The following ELAPOR1 variants were observed in gnomAD, a reference collection of about 807,000 sequenced individuals.
ELAPOR1 encodes the protein endosome-lysosome associated apoptosis and autophagy regulator 1.
A neutral mutation model predicts 119.7 loss-of-function variants in ELAPOR1; 77 were observed. The observed-to-expected ratio is 0.64, with a 90% confidence interval of 0.54 to 0.78. The LOEUF is 0.78. Among genes scored for constraint, ELAPOR1 ranks in the 30% least tolerant of loss-of-function variants. The pLI, the probability that ELAPOR1 is intolerant of heterozygous loss-of-function variation, is 0.00. For synonymous variants in ELAPOR1, 481 were observed against 487.2 expected (o/e 0.99, Z 0.17); for missense variants, 1,115 against 1,270.4 (o/e 0.88, Z 1.86).
chr1:109,145,274 G>A (rs183670978), intron 1 of ELAPOR1, among the ~76,000 whole-genome samples: 21 of 152,038 alleles, frequency 1.4e-4, no homozygotes, highest in Admixed American at 7.9e-4. Flanking sequence ...TCTCTAGAAC[G>A]GTGAAAAAAA....
Position 109,164,704 on chromosome 1 carries a change from A to C in ELAPOR1, c.467+13A>C, listed in dbSNP as rs373988606. 6.2e-7 allele frequency: 1 copy of C among 1,604,178 alleles called. No individual in the cohort carries two copies. The highest frequency in any genetic ancestry group is 1.1e-5 in the South Asian group (1 of 90,430). On this transcript the variant is annotated intron_variant, in intron 3 of 21. Transcript: ENST00000369939. ...GGAACTGTACTTCGTGAGTCTGCAC[A>C]CACCCCCACCCCACCCCCAGCCCAC...
chr1:109,153,631 TTG>T (rs1650672759), intron 1 of ELAPOR1, among the ~76,000 whole-genome samples: 1 of 151,522 alleles, frequency 6.6e-6, no homozygotes, highest in African/African-American at 2.4e-5. Context: ...TTGTTTTGTT[TTG>T]TTTTGTTTTG....
At position 109,169,073 on chromosome 1, in the gene ELAPOR1, A is replaced by G. The variant is rs113336305; in HGVS notation, c.468-2793A>G. Reference sequence around the variant, plus strand: ...AGCATTAAAGGTTATCCCTTTCAACAAGGAGAAATCAATGCTGTTAGGTTA... The same window carrying G: ...AGCATTAAAGGTTATCCCTTTCAACGAGGAGAAATCAATGCTGTTAGGTTA... On this transcript the variant is annotated intron_variant, in intron 3 of 21. Transcript: ENST00000369939. 4.8e-3 allele frequency among the ~76,000 whole-genome samples: 732 copies of G among 152,318 alleles called. 5 individuals carry two copies. The highest frequency in any genetic ancestry group is 0.016 in the African/African-American group (673 of 41,568).
chr1:109,131,790 T>C (rs17038457), intron 1 of ELAPOR1, among the ~76,000 whole-genome samples: 37,634 of 152,116 alleles, frequency 0.25, 5,622 homozygotes, highest in African/African-American at 0.41. Context: ...AGTACCCAAA[T>C]CTTAGCCCAA....
chr1:109,179,916 G>T (rs1387326780), intron 7 of ELAPOR1, among the ~76,000 whole-genome samples: 2 of 151,976 alleles, frequency 1.3e-5, no homozygotes, highest in South Asian at 2.1e-4. Flanking sequence ...CAAAAAAAAA[G>T]AATTTTAAAT....
intron 5 of ELAPOR1, 120 bp from the exon 6 acceptor site, chr1:109,173,354 G>C (rs746635305): frequency 1.3e-5 from 10 of 781,482 alleles, no homozygotes; most frequent in Non-Finnish European, 1.9e-5. Flanking sequence ...AGGAGGAAGA[G>C]GGTCAGAAGA....
In ELAPOR1 at chr1:109,114,329, G is replaced by C. The variant is rs759309060; in HGVS notation, c.146G>C (p.Cys49Ser). Residue 49 changes from cysteine to serine, a missense_variant, in exon 1 of 22, where the codon TGC (cysteine) becomes TCC (serine). Transcript: ENST00000369939. The stretch of plus-strand genomic sequence containing the variant: ...GGAACGGGACCGGAGCTTCATGCCT[G>C]CAAAGAGGTACTGCCGCCCCCCTAC... ...TQGTGPELHA[C>S]KESEYHYEYT... The C allele has an allele frequency of 8.8e-6, 14 of 1,589,726 alleles. No individual in the cohort carries two copies. The highest frequency in any genetic ancestry group is 1.2e-5 in the Non-Finnish European group (14 of 1,168,176).
At chr1:109,179,395 T>G (rs1570695637) in intron 7 of ELAPOR1, among the ~76,000 whole-genome samples, 2 of 112,168 alleles carry the variant, frequency 1.8e-5, no homozygotes, top group African/African-American at 3.6e-5. Context: ...GGTGACAGAG[T>G]GAGACTCTGT....
intron 7 of ELAPOR1, among the ~76,000 whole-genome samples, chr1:109,178,792 C>T (rs1248008439): frequency 6.6e-6 from 1 of 151,810 alleles, no homozygotes; most frequent in Admixed American, 6.6e-5. Flanking sequence ...TGGTAAAACC[C>T]CAACTCTACT....
chr1:109,145,130 G>T (rs543009802), intron 1 of ELAPOR1, among the ~76,000 whole-genome samples: 1 of 151,986 alleles, frequency 6.6e-6, no homozygotes, highest in African/African-American at 2.4e-5. Context: ...AATGGGATTA[G>T]GTACCCTTAT....
At chr1:109,144,061 A>ATATATATATTT in intron 1 of ELAPOR1, among the ~76,000 whole-genome samples, 193 of 88,878 alleles carry the variant, frequency 2.2e-3, no homozygotes, top group Non-Finnish European at 3.1e-3. Flanking sequence ...ATATTTATAT[A>ATATATATATTT]TTTTTTTTTT....
chr1:109,172,390 T>G, intron 4 of ELAPOR1, 98 bp from the exon 5 acceptor site: 1 of 865,180 alleles, frequency 1.2e-6, no homozygotes, highest in Admixed American at 2.4e-5. Context: ...ACTCTTCCCA[T>G]ATAAAGAAGG....
At chr1:109,165,151 G>T (rs1239370594) in intron 3 of ELAPOR1, among the ~76,000 whole-genome samples, 1 of 152,102 alleles carries the variant, frequency 6.6e-6, no homozygotes, top group Non-Finnish European at 1.5e-5. Context: ...AATTTGCCAG[G>T]TGTGGTGGTG....
chr1:109,133,747 CTACT>C (rs2100984943), intron 1 of ELAPOR1, among the ~76,000 whole-genome samples: 1 of 152,258 alleles, frequency 6.6e-6, no homozygotes, highest in Non-Finnish European at 1.5e-5. Context: ...GAAGTTGGCA[CTACT>C]TAGAGTGGGA....
chr1:109,190,334 C>T (rs1653355366), intron 11 of ELAPOR1, among the ~76,000 whole-genome samples: 2 of 152,244 alleles, frequency 1.3e-5, no homozygotes, highest in South Asian at 4.1e-4. Context: ...GATGGCTTTT[C>T]CAGCCCGCTG....
chr1:109,144,061 A>ATATATTTTTTTTTTTTTTTTT, intron 1 of ELAPOR1, among the ~76,000 whole-genome samples: 14 of 88,988 alleles, frequency 1.6e-4, no homozygotes, highest in African/African-American at 1.9e-4. Flanking sequence ...ATATTTATAT[A>ATATATTTTTTTTTTTTTTTTT]TTTTTTTTTT....
At chr1:109,117,299 A>T (rs1480434002) in intron 1 of ELAPOR1, among the ~76,000 whole-genome samples, 1 of 152,232 alleles carries the variant, frequency 6.6e-6, no homozygotes, top group Non-Finnish European at 1.5e-5. Context: ...ATTCGTTTTC[A>T]TGAATCGTTT....
chr1:109,172,709 T>C, intron 5 of ELAPOR1, 141 bp downstream of exon 5: 1 of 656,344 alleles, frequency 1.5e-6, no homozygotes. Flanking sequence ...GATGCTGTAG[T>C]TACTGTCCTC....
intron 1 of ELAPOR1, among the ~76,000 whole-genome samples, chr1:109,115,676 C>T (rs952241981): frequency 1.3e-5 from 2 of 152,146 alleles, no homozygotes; most frequent in Non-Finnish European, 2.9e-5. Context: ...GTCTACAGCA[C>T]AGCAGGTCAT....
Sources: gnomAD v4.1 joint callset for allele counts (sites outside exome capture counted in the v4.1 genomes callset) on GRCh38, gnomAD v4.1.1 for gene constraint, MANE v1.5 for transcripts, NCBI Gene and HGNC (gene_info 2026-07-23, HGNC 2026-07-21) for gene names.